CHLSN: variants seen among roughly 807,000 people sequenced by gnomAD.
CHLSN encodes cholesin.
At chr7:1,083,334 G>A in the CHLSN span, among the ~76,000 whole-genome samples, 1 of 152,226 alleles carries the variant, frequency 6.6e-6, no homozygotes, top group Non-Finnish European at 1.5e-5. Flanking sequence ...GATAGAAGAT[G>A]AGAGTGTGGG....
the CHLSN span, among the ~76,000 whole-genome samples, chr7:1,007,955 C>G: frequency 1.3e-5 from 2 of 152,140 alleles, no homozygotes; most frequent in African/African-American, 4.8e-5. Context: ...GCGGATGGTC[C>G]CCCCTCTCCT....
At chr7:1,126,233 C>T in the CHLSN span, among the ~76,000 whole-genome samples, 6 of 151,390 alleles carry the variant, frequency 4.0e-5, no homozygotes, top group African/African-American at 1.2e-4. Flanking sequence ...TGGTGGTAGG[C>T]GCCTGTAGTC....
At chr7:1,092,110 G>A in the CHLSN span, 88 of 1,613,678 alleles carry the variant, frequency 5.5e-5, no homozygotes, top group South Asian at 3.3e-4. Flanking sequence ...CGACATCGCC[G>A]TCCTGTGCAC....
At chr7:1,037,250 A>G in the CHLSN span, among the ~76,000 whole-genome samples, 2 of 140,432 alleles carry the variant, frequency 1.4e-5, no homozygotes, top group Non-Finnish European at 3.2e-5. Context: ...GGAACAGTAC[A>G]ATAAGGCAAG....
chr7:1,007,431 G>A, the CHLSN span, among the ~76,000 whole-genome samples: 1 of 152,224 alleles, frequency 6.6e-6, no homozygotes, highest in African/African-American at 2.4e-5. Context: ...CCAGGCTGAG[G>A]ACACTCCCCT....
At chr7:1,043,067 C>G in the CHLSN span, among the ~76,000 whole-genome samples, 1 of 147,492 alleles carries the variant, frequency 6.8e-6, no homozygotes, top group African/African-American at 2.5e-5. Flanking sequence ...GCCGGACCAA[C>G]ATGGTGAAAC....
At chr7:1,008,021 G>C in the CHLSN span, among the ~76,000 whole-genome samples, 2 of 152,152 alleles carry the variant, frequency 1.3e-5, no homozygotes, top group African/African-American at 4.8e-5. Flanking sequence ...GCAGCGGAAG[G>C]TGCTGGCAGG....
At chr7:1,127,148 C>A in the CHLSN span, 3 of 1,349,706 alleles carry the variant, frequency 2.2e-6, no homozygotes, top group Admixed American at 5.5e-5. Flanking sequence ...CGCACCTGTT[C>A]CAGGCTCTGC....
chr7:1,047,207 C>G, the CHLSN span, among the ~76,000 whole-genome samples: 3 of 152,234 alleles, frequency 2.0e-5, no homozygotes, highest in African/African-American at 7.2e-5. Context: ...CACAGGTGCC[C>G]AGCCCGCTCA....
At chr7:999,681 G>A in the CHLSN span, among the ~76,000 whole-genome samples, 359 of 152,240 alleles carry the variant, frequency 2.4e-3, 4 homozygotes, top group African/African-American at 8.2e-3. Flanking sequence ...CCCGCTCTGA[G>A]AGTCTGCAAA....
the CHLSN span, chr7:984,816 G>T: frequency 2.3e-6 from 3 of 1,298,266 alleles, no homozygotes; most frequent in African/African-American, 3.0e-5. Context: ...AGCCCAGGGG[G>T]ACGGGAGTGG....
the CHLSN span, among the ~76,000 whole-genome samples, chr7:1,095,059 A>G: frequency 2.9e-3 from 444 of 152,236 alleles, 7 homozygotes; most frequent in Admixed American, 0.023. Context: ...GTCCTGCAGA[A>G]CACCGTGCGT....
chr7:1,081,817 C>A, the CHLSN span: 1 of 138,396 alleles, frequency 7.2e-6, no homozygotes, highest in Admixed American at 7.2e-5. Flanking sequence ...TGCACAGGGG[C>A]CCCTCCTGTC....
the CHLSN span, chr7:1,025,176 C>G: frequency 1.3e-5 from 2 of 152,378 alleles, no homozygotes; most frequent in Admixed American, 6.5e-5. Flanking sequence ...GGGTGGAGGC[C>G]GGAGAAGCCA....
the CHLSN span, chr7:1,058,408 A>G: frequency 1.3e-6 from 1 of 780,730 alleles, no homozygotes. Flanking sequence ...CTCTACCGCT[A>G]CATGAACCAG....
the CHLSN span, among the ~76,000 whole-genome samples, chr7:1,130,505 A>C: frequency 6.6e-5 from 10 of 152,040 alleles, no homozygotes; most frequent in African/African-American, 1.2e-4. Context: ...GGAGCAGAAG[A>C]AGCCCTCACC....
the CHLSN span, among the ~76,000 whole-genome samples, chr7:992,351 C>A: frequency 2.0e-5 from 3 of 152,370 alleles, no homozygotes; most frequent in South Asian, 6.2e-4. Context: ...AGTCCCCGAG[C>A]CATCTGCAAA....
At chr7:1,075,738 G>A in the CHLSN span, among the ~76,000 whole-genome samples, 24 of 150,544 alleles carry the variant, frequency 1.6e-4, no homozygotes, top group Admixed American at 1.1e-3. Flanking sequence ...TCAGCCTCCC[G>A]AGTAGCTGGG....
the CHLSN span, among the ~76,000 whole-genome samples, chr7:1,090,215 G>T: frequency 6.6e-6 from 1 of 152,254 alleles, no homozygotes. Flanking sequence ...TCTCTGCTGG[G>T]CTTGGGCACC....
Sources: allele counts gnomAD v4.1 joint callset (sites outside exome capture counted in the v4.1 genomes callset), GRCh38; gene constraint gnomAD v4.1.1; transcripts MANE v1.5; gene names NCBI Gene and HGNC (gene_info 2026-07-23, HGNC 2026-07-21).